TMEM131L: variants seen among roughly 807,000 people sequenced by gnomAD.
TMEM131L encodes transmembrane protein 131-like.
Under a neutral mutation model 192.2 loss-of-function variants are expected in TMEM131L, and 54 were observed. The ratio of observed to expected loss-of-function variants is 0.28; its 90% confidence interval spans 0.23 to 0.35. TMEM131L has a LOEUF of 0.35. TMEM131L is among the 10% of genes least tolerant of loss of function. The probability of loss-of-function intolerance (pLI) is 1.00; values close to 1 mark genes in which losing one functional copy is unlikely to be tolerated. For synonymous variants in TMEM131L, 701 were observed against 704.9 expected, an observed-to-expected ratio of 0.99 and a Z score of 0.09; for missense variants, 1,888 against 1,972.9, an observed-to-expected ratio of 0.96 and a Z score of 0.82.
rs1010043545 is a variant in TMEM131L at position 153,587,888 on chromosome 4, T to C, written c.1552+77T>C. On this transcript the variant is annotated intron_variant, in intron 15 of 34. Coordinates refer to ENST00000409959, the MANE Select transcript of TMEM131L (RefSeq NM_001131007.2). ...AAATAGTGAGGAAAATTAGCATTTG[T>C]CAATGGAATAATTAGTTCTGTAAAG... The C allele has an allele frequency of 6.1e-6, 6 of 988,090 alleles. No individual in the cohort carries two copies. The African/African-American group carries it at 9.6e-5, about 16-fold the overall frequency. The allele number at this position is 988,090 out of a possible 1,614,324, so 61.2% of individuals were successfully genotyped here.
At chr4:153,567,459 G>T (rs1172787205) in intron 7 of TMEM131L, among the ~76,000 whole-genome samples, 1 of 152,096 alleles carries the variant, frequency 6.6e-6, no homozygotes, top group Admixed American at 6.5e-5. Flanking sequence ...CTACCTCCAA[G>T]AGGATTAAGG....
At chr4:153,636,243 C>T in intron 34 of TMEM131L, 58 bp from the exon 35 acceptor site, 4 of 1,461,796 alleles carry the variant, frequency 2.7e-6, no homozygotes, top group East Asian at 2.4e-5. Context: ...GTGTATTCAC[C>T]TTTCTAAGGC....
At chr4:153,492,133 T>A (rs1732835259) in intron 3 of TMEM131L, among the ~76,000 whole-genome samples, 1 of 151,546 alleles carries the variant, frequency 6.6e-6, no homozygotes, top group East Asian at 1.9e-4. Flanking sequence ...TTCCAAGTAG[T>A]GGGGACTATT....
At chr4:153,522,660 C>T (rs1236556764) in intron 3 of TMEM131L, among the ~76,000 whole-genome samples, 28 of 152,220 alleles carry the variant, frequency 1.8e-4, no homozygotes, top group Admixed American at 1.8e-3. Context: ...TTTTTATCCC[C>T]AGCACCTAGC....
intron 3 of TMEM131L, among the ~76,000 whole-genome samples, chr4:153,540,905 C>T (rs1330119523): frequency 6.6e-6 from 1 of 152,152 alleles, no homozygotes; most frequent in African/African-American, 2.4e-5. Context: ...TGAATTTCTG[C>T]TTTGGCTTCT....
chr4:153,522,141 G>A (rs1465911944), intron 3 of TMEM131L, among the ~76,000 whole-genome samples: 2 of 152,178 alleles, frequency 1.3e-5, no homozygotes, highest in East Asian at 1.9e-4. Context: ...GAAATCAAGT[G>A]TGGGTCTGTG....
Position 153,586,115 on chromosome 4 carries a change from G to A in TMEM131L, c.1312-94G>A, listed in dbSNP as rs529174058. ...ATAACTGAGTAAAATCATACTTTCTGAAGTATAGAAGAATGTTAGCATCAT... is the reference window on the plus strand; with the variant it reads ...ATAACTGAGTAAAATCATACTTTCTAAAGTATAGAAGAATGTTAGCATCAT... On this transcript the variant is annotated intron_variant, in intron 13 of 34. Transcript: ENST00000409959. The A allele has an allele frequency of 5.6e-6, 5 of 888,134 alleles. No homozygotes were observed. The African/African-American group carries it at 7.0e-5, about 12-fold the overall frequency. 55.0% of individuals were successfully genotyped at this position (888,134 alleles called of 1,614,324 possible).
At chr4:153,552,944 TG>T (rs59031152) in intron 4 of TMEM131L, among the ~76,000 whole-genome samples, 56,293 of 149,636 alleles carry the variant, frequency 0.38, 12,598 homozygotes, top group African/African-American at 0.63. Flanking sequence ...TTATTTTTTG[TG>T]TTTTTTTTTT....
chr4:153,558,154 C>T, intron 6 of TMEM131L, 104 bp from the exon 7 acceptor site: 1 of 573,582 alleles, frequency 1.7e-6, no homozygotes, highest in East Asian at 2.6e-5. Flanking sequence ...GTCTTGAAGG[C>T]CATGCTGATG....
In TMEM131L at chr4:153,612,297, A is replaced by C. The variant is rs1368625538; in HGVS notation, c.3464A>C (p.Glu1155Ala). ...GTCAAGAATGAAGTAGATCATTGTG[A>C]AAATTTGAAGAAGGTGGACACAAAG... ...VPVKNEVDHCENLKKVDTKPS... is the reference protein window; with the variant it reads ...VPVKNEVDHCANLKKVDTKPS... Residue 1155 changes from glutamate (E) to alanine (A), a missense_variant, in exon 26 of 35, where the codon GAA becomes GCA. Physicochemically the swap from Glu to Ala is moderately radical, Grantham distance 107. Coordinates refer to ENST00000409959, the MANE Select transcript of TMEM131L (RefSeq NM_001131007.2). 1 of 1,590,486 alleles carries C rather than the reference A, an allele frequency of 6.3e-7. No individual in the cohort carries two copies. Among genetic ancestry groups the C allele is most frequent in the Non-Finnish European group, 8.5e-7 (1 of 1,172,098 alleles).
chr4:153,606,737 G>A (rs746833318), intron 25 of TMEM131L, among the ~76,000 whole-genome samples: 1 of 152,202 alleles, frequency 6.6e-6, no homozygotes, highest in Non-Finnish European at 1.5e-5. Flanking sequence ...TTCACTGCCA[G>A]AATTTAAAAA....
intron 1 of TMEM131L, 78 bp downstream of exon 1, chr4:153,466,599 A>AT: frequency 8.3e-7 from 1 of 1,208,300 alleles, no homozygotes; most frequent in Non-Finnish European, 1.0e-6. Context: ...GCTGAAATCT[A>AT]TAAGAGGGCG....
chr4:153,544,052 A>G (rs1736989654), intron 3 of TMEM131L, among the ~76,000 whole-genome samples: 1 of 151,424 alleles, frequency 6.6e-6, no homozygotes, highest in Non-Finnish European at 1.5e-5. Flanking sequence ...CCTTTTGCCA[A>G]CATCCAGCGG....
chr4:153,605,712 T>C (rs1732184893), intron 25 of TMEM131L, among the ~76,000 whole-genome samples: 1 of 152,238 alleles, frequency 6.6e-6, no homozygotes, highest in Admixed American at 6.5e-5. Context: ...TTTGTCTTAT[T>C]TGAAGCATCT....
intron 3 of TMEM131L, among the ~76,000 whole-genome samples, chr4:153,502,403 G>A (rs528088524): frequency 4.6e-5 from 7 of 152,278 alleles, no homozygotes; most frequent in African/African-American, 1.4e-4. Context: ...TTGGCAGCTA[G>A]CATTCTCTTT....
intron 25 of TMEM131L, among the ~76,000 whole-genome samples, chr4:153,607,287 C>G (rs1165999535): frequency 1.3e-5 from 2 of 152,174 alleles, no homozygotes; most frequent in Non-Finnish European, 2.9e-5. Context: ...ATATAAGAAC[C>G]TTTAAGTTTT....
At chr4:153,594,920 C>T (rs1032812981) in intron 19 of TMEM131L, among the ~76,000 whole-genome samples, 9 of 152,186 alleles carry the variant, frequency 5.9e-5, no homozygotes, top group Non-Finnish European at 1.2e-4. Flanking sequence ...GATATCTTGC[C>T]TCACTGGTAT....
intron 3 of TMEM131L, among the ~76,000 whole-genome samples, chr4:153,539,319 A>G (rs1807150): frequency 0.16 from 24,914 of 152,092 alleles, 2,248 homozygotes; most frequent in Middle Eastern, 0.22. Context: ...AATCGTTTTT[A>G]AAGTCCTCCT....
At chr4:153,615,214 A>G (rs529803213) in intron 26 of TMEM131L, among the ~76,000 whole-genome samples, 7 of 152,360 alleles carry the variant, frequency 4.6e-5, no homozygotes, top group Admixed American at 4.6e-4. Flanking sequence ...AAATGGGCTA[A>G]TTGAGAATTA....
Sources: allele counts gnomAD v4.1 joint callset (sites outside exome capture counted in the v4.1 genomes callset), GRCh38; gene constraint gnomAD v4.1.1; transcripts MANE v1.5; gene names NCBI Gene and HGNC (gene_info 2026-07-23, HGNC 2026-07-21).